The following ZNF428 variants were observed in gnomAD, a reference collection of about 807,000 sequenced individuals.
ZNF428 encodes zinc finger protein 428, also known as enzyme-like protein PIT13.
ZNF428 carries 5 observed loss-of-function variants against 15.6 expected under a neutral mutation model. The observed-to-expected ratio is 0.32, with a 90% CI of 0.17 to 0.67. ZNF428 has a LOEUF of 0.67. ZNF428 is among the 30% of genes least tolerant of loss of function. ZNF428 has a pLI of 0.73. For synonymous variants in ZNF428, 97 were observed against 102.2 expected (o/e 0.95, Z 0.31); for missense variants, 237 against 256.0 (o/e 0.93, Z 0.51).
rs908921310 is a variant in ZNF428 at position 43,612,640 on chromosome 19, C to T, written c.76+1589G>A. On this transcript the variant is annotated intron_variant, in intron 2 of 2. Transcript: ENST00000300811. This position sits in a 1 kb window ranked among gnomAD's most constrained non-coding sequence, Gnocchi z 4.2. ...AAAAAGGGAGCCGGGGAAAGAGTTA[C>T]GGCCGGCCTAGAACCAGCAACAGGG... 8 of 1,551,326 alleles carry T rather than the reference C, an allele frequency of 5.2e-6. No individual in the cohort carries two copies. The highest frequency in any genetic ancestry group is 2.4e-5 in the East Asian group (1 of 40,930).
In ZNF428 at chr19:43,607,576, A is replaced by AC. The variant is rs750245311; in HGVS notation, c.*40dup. On this transcript the variant is annotated 3_prime_UTR_variant, in exon 3 of 3. Transcript: ENST00000300811. The surrounding 1 kb of genome is among the most constrained non-coding windows in gnomAD (Gnocchi z 5.1). Reference sequence around the variant, plus strand: ...CCAATTTCCTCAGCCCCCTCCTCCCACCCCACCCCTTCTGCCAAGCTCCCC... The same window carrying AC: ...CCAATTTCCTCAGCCCCCTCCTCCCACCCCCACCCCTTCTGCCAAGCTCCCC... 8.8e-7 allele frequency: 1 copy of AC among 1,142,160 alleles called. No individual in the cohort carries two copies. The highest frequency in any genetic ancestry group is 1.2e-6 in the Non-Finnish European group (1 of 853,422). The allele number at this position is 1,142,160 out of a possible 1,614,324, so 70.8% of individuals were successfully genotyped here. A position where few individuals can be genotyped will look rare whatever the true frequency, so the allele number is the denominator to read the frequency against.
In ZNF428 at chr19:43,612,941, A is replaced by G; in HGVS notation, c.76+1288T>C. 1 of 1,551,706 alleles carries G rather than the reference A, an allele frequency of 6.4e-7. No homozygotes were observed. Among genetic ancestry groups the G allele is most frequent in the Non-Finnish European group, 8.7e-7 (1 of 1,146,978 alleles). On this transcript the variant is annotated intron_variant, in intron 2 of 2. Coordinates refer to ENST00000300811, the MANE Select transcript of ZNF428 (RefSeq NM_182498.4). This position sits in a 1 kb window ranked among gnomAD's most constrained non-coding sequence, Gnocchi z 4.2. Reference sequence around the variant, plus strand: ...GGTCAAGAGTTATAACCAGGCCAGCACCCGCAGCAGGCCGCAAAGTCACAG... The same window carrying G: ...GGTCAAGAGTTATAACCAGGCCAGCGCCCGCAGCAGGCCGCAAAGTCACAG...
In ZNF428 at chr19:43,614,652, G is replaced by A. The variant is rs905015627; in HGVS notation, c.-130-218C>T. 4.6e-5 allele frequency among the ~76,000 whole-genome samples: 7 copies of A among 151,808 alleles called. No homozygotes were observed. The East Asian group carries it at 7.8e-4, about 17-fold the overall frequency. On this transcript the variant is annotated intron_variant, in intron 1 of 2. Coordinates refer to ENST00000300811, the MANE Select transcript of ZNF428 (RefSeq NM_182498.4). ...CTCTCTCTGTTGCCCAGGCTGGAGTGCAGTGGTGTGATCTCAGCTCACTGC... is the reference window on the plus strand; with the variant it reads ...CTCTCTCTGTTGCCCAGGCTGGAGTACAGTGGTGTGATCTCAGCTCACTGC...
chr19:43,616,101 A>T (rs1287025379), intron 1 of ZNF428, among the ~76,000 whole-genome samples: 2 of 152,228 alleles, frequency 1.3e-5, no homozygotes, highest in Non-Finnish European at 2.9e-5. Context: ...GGTACACAAC[A>T]TTATAACAAG....
intron 2 of ZNF428, 113 bp downstream of exon 2, chr19:43,614,116 T>G: frequency 6.3e-7 from 1 of 1,598,062 alleles, no homozygotes. Context: ...TCAGTCAGAA[T>G]AGAACCCCTA....
Position 43,607,721 on chromosome 19 carries a change from C to G in ZNF428, c.463G>C (p.Glu155Gln). 1 of 1,613,776 alleles carries G rather than the reference C, an allele frequency of 6.2e-7. No individual in the cohort carries two copies. The highest frequency in any genetic ancestry group is 2.2e-5 in the East Asian group (1 of 44,860). Residue 155 changes from glutamate (E) to glutamine (Q), a missense_variant, in exon 3 of 3, where the codon GAG becomes CAG. By Grantham distance (29) the Glu-to-Gln change is conservative. Transcript: ENST00000300811. The surrounding 1 kb of genome is among the most constrained non-coding windows in gnomAD (Gnocchi z 5.1). ...RPAGREEEEE[E>Q]EEEGTYHCTE... is the part of the protein sequence containing the mutation. ...CAGTGGTAGGTTCCCTCCTCCTCCT[C>G]TTCCTCCTCCTCCTCCCGCCCAGCT...
At chr19:43,619,014 AG>A (rs2039371269) in intron 1 of ZNF428, among the ~76,000 whole-genome samples, 1 of 152,080 alleles carries the variant, frequency 6.6e-6, no homozygotes, top group African/African-American at 2.4e-5. Context: ...AGGCAAACAC[AG>A]TGCTGGAGAC....
At chr19:43,613,046 A>G (rs1973320929) in intron 2 of ZNF428, 1 of 1,551,548 alleles carries the variant, frequency 6.4e-7, no homozygotes, top group South Asian at 1.2e-5. Context: ...CAGTTGGAAG[A>G]GAAACCATAG....
intron 1 of ZNF428, among the ~76,000 whole-genome samples, chr19:43,616,812 C>CT (rs773874043): frequency 0.094 from 13,065 of 138,372 alleles, 788 homozygotes; most frequent in Middle Eastern, 0.24. Context: ...CCTCCTCCTC[C>CT]TTTTTTTTTT....
Position 43,607,895 on chromosome 19 carries a change from C to A in ZNF428, c.289G>T (p.Gly97Cys). Reference sequence around the variant, plus strand: ...GGGGCCTCCCCAAGGGGTGAGCGGCCACAGAGCTGGCAAGGCTGGGCCGGG... The same window carrying A: ...GGGGCCTCCCCAAGGGGTGAGCGGCAACAGAGCTGGCAAGGCTGGGCCGGG... Reference protein sequence around the residue: ...QPPAQPCQLCGRSPLGEAPPG... With the variant: ...QPPAQPCQLCCRSPLGEAPPG... Residue 97 changes from glycine to cysteine, a missense_variant, in exon 3 of 3, where the codon GGC becomes TGC. Coordinates refer to ENST00000300811, the MANE Select transcript of ZNF428 (RefSeq NM_182498.4). This position sits in a 1 kb window ranked among gnomAD's most constrained non-coding sequence, Gnocchi z 5.1. 6.4e-7 allele frequency: 1 copy of A among 1,562,444 alleles called. No homozygotes were observed. The highest frequency in any genetic ancestry group is 8.7e-7 in the Non-Finnish European group (1 of 1,153,382).
At chr19:43,609,264 A>C (rs965997549) in intron 2 of ZNF428, among the ~76,000 whole-genome samples, 3 of 152,020 alleles carry the variant, frequency 2.0e-5, no homozygotes, top group Non-Finnish European at 4.4e-5. Flanking sequence ...CATGGCTGAC[A>C]CTGGATCATT....
At chr19:43,616,367 G>A (rs1308923114) in intron 1 of ZNF428, among the ~76,000 whole-genome samples, 1 of 152,142 alleles carries the variant, frequency 6.6e-6, no homozygotes, top group Non-Finnish European at 1.5e-5. Context: ...CACTCTAGCT[G>A]TGTAGCACCA....
rs1292275594 is a variant in ZNF428 at position 43,612,789 on chromosome 19, C to T, written c.76+1440G>A. The stretch of plus-strand genomic sequence containing the variant: ...AGTACAGCCAAGTGTCAAACCCCGA[C>T]TGGAATTCCCTCCAAGGAGAAGAGT... On this transcript the variant is annotated intron_variant, in intron 2 of 2. Coordinates refer to ENST00000300811, the MANE Select transcript of ZNF428 (RefSeq NM_182498.4). This position sits in a 1 kb window ranked among gnomAD's most constrained non-coding sequence, Gnocchi z 4.2. 9 of 1,551,522 alleles carry T rather than the reference C, an allele frequency of 5.8e-6. No homozygotes were observed. The highest frequency in any genetic ancestry group is 7.8e-6 in the Non-Finnish European group (9 of 1,146,992).
Position 43,612,114 on chromosome 19 carries a change from C to G in ZNF428, c.76+2115G>C, listed in dbSNP as rs866864503. ...ACTTCCAGGACCACAAGCCCTTTTG[C>G]GCCCACCATGTCTTCACCTAAGAGA... On this transcript the variant is annotated intron_variant, in intron 2 of 2. Transcript: ENST00000300811. This position sits in a 1 kb window ranked among gnomAD's most constrained non-coding sequence, Gnocchi z 4.2. The G allele has an allele frequency of 1.3e-6, 2 of 1,547,526 alleles. No homozygotes were observed. Among genetic ancestry groups the G allele is most frequent in the Non-Finnish European group, 1.7e-6 (2 of 1,143,562 alleles).
chr19:43,618,479 A>C (rs1973396076), intron 1 of ZNF428, among the ~76,000 whole-genome samples: 1 of 151,540 alleles, frequency 6.6e-6, no homozygotes, highest in Non-Finnish European at 1.5e-5. Context: ...CTGTAACCTC[A>C]AACTCCTGTG....
At chr19:43,613,012 G>T (rs1219535042) in intron 2 of ZNF428, 2 of 1,551,476 alleles carry the variant, frequency 1.3e-6, no homozygotes, top group East Asian at 2.4e-5. Context: ...GTCAGAAGAG[G>T]ACGCACAGCA....
chr19:43,617,220 T>A (rs1430733504), intron 1 of ZNF428, among the ~76,000 whole-genome samples: 1 of 151,934 alleles, frequency 6.6e-6, no homozygotes, highest in Non-Finnish European at 1.5e-5. Context: ...CTGTGACTTC[T>A]CTCTCTCCCT....
intron 1 of ZNF428, among the ~76,000 whole-genome samples, chr19:43,615,642 G>A (rs1973365045): frequency 6.6e-6 from 1 of 152,008 alleles, no homozygotes; most frequent in Non-Finnish European, 1.5e-5. Context: ...GAAGGTCAAG[G>A]CTGCAGTGAG....
intron 2 of ZNF428, chr19:43,613,413 C>G (rs1329302372): frequency 6.5e-7 from 1 of 1,531,058 alleles, no homozygotes; most frequent in Admixed American, 2.0e-5. Context: ...TCTAGAAGTC[C>G]CAACAAGGCG....
Sources: gnomAD v4.1 joint callset for allele counts (sites outside exome capture counted in the v4.1 genomes callset) on GRCh38, gnomAD v4.1.1 for gene constraint, Gnocchi (gnomAD v3.1) non-coding constraint, MANE v1.5 for transcripts, NCBI Gene and HGNC (gene_info 2026-07-23, HGNC 2026-07-21) for gene names.